The following EYS variants were observed in gnomAD, a reference collection of about 807,000 sequenced individuals.
The protein encoded by EYS is EGF-like photoreceptor maintenance factor, also known as protein eyes shut homolog.
In EYS, 250 loss-of-function variants were observed where a neutral mutation model predicts 282.1. The ratio of observed to expected loss-of-function variants is 0.89; its 90% CI spans 0.80 to 0.98. The LOEUF (loss-of-function observed/expected upper bound fraction) is 0.98, where lower values mean the gene tolerates loss of function less well. Ranked by LOEUF, EYS falls within the 50% of genes least tolerant of loss-of-function variation. The pLI is 0.00. For missense variants in EYS, 4,016 were observed against 3,709.0 expected (o/e 1.08, Z -2.15); for synonymous variants, 1,355 against 1,282.9 (o/e 1.06, Z -1.20).
rs372037478 is a variant in EYS at position 64,233,302 on chromosome 6, A to G, written c.6192-2478T>C. 1.2e-4 allele frequency among the ~76,000 whole-genome samples: 19 copies of G among 152,346 alleles called. No homozygotes were observed. In the East Asian group the frequency reaches 3.3e-3, roughly 26 times the overall value. On this transcript the variant is annotated intron_variant, in intron 30 of 42. Coordinates refer to ENST00000503581, the MANE Select transcript of EYS (RefSeq NM_001142800.2). ...AAAGATCAAATTTCATATCTGATAT[A>G]TGATAATTAATAGTCTTTGGCTTTC...
Position 63,789,241 on chromosome 6 carries a change from C to G in EYS, c.7412-17G>C. 6.5e-7 allele frequency: 1 copy of G among 1,547,120 alleles called. No individual in the cohort carries two copies. The highest frequency in any genetic ancestry group is 1.2e-5 in the South Asian group (1 of 83,632). On this transcript the variant is annotated splice_polypyrimidine_tract_variant and intron_variant, in intron 37 of 42. Transcript: ENST00000503581. Reference sequence around the variant, plus strand: ...CATTCAACCCTGGAATGAGAAGACACATGGGGAATGCTCACTGAGAGGAAA... The same window carrying G: ...CATTCAACCCTGGAATGAGAAGACAGATGGGGAATGCTCACTGAGAGGAAA...
intron 35 of EYS, among the ~76,000 whole-genome samples, chr6:63,879,062 T>C: frequency 6.6e-6 from 1 of 152,216 alleles, no homozygotes; most frequent in Admixed American, 6.5e-5. Context: ...AGCTGTAGAC[T>C]GGAGCTGTTC....
intron 22 of EYS, among the ~76,000 whole-genome samples, chr6:64,683,163 C>T (rs1368819015): frequency 1.3e-5 from 2 of 152,156 alleles, no homozygotes; most frequent in Non-Finnish European, 2.9e-5. Context: ...AATCAACATT[C>T]TTTATAAAAA....
intron 31 of EYS, among the ~76,000 whole-genome samples, chr6:64,211,176 G>A (rs1169111493): frequency 3.3e-5 from 5 of 152,060 alleles, no homozygotes; most frequent in Middle Eastern, 3.4e-3. Flanking sequence ...CTATCTATCC[G>A]TCTATCTTCC....
chr6:64,432,794 T>C (rs1056305095), intron 28 of EYS, among the ~76,000 whole-genome samples: 1 of 152,046 alleles, frequency 6.6e-6, no homozygotes, highest in Non-Finnish European at 1.5e-5. Flanking sequence ...CTCACCCATT[T>C]GCATTTTGCT....
At chr6:64,432,933 G>A (rs372681511) in intron 28 of EYS, among the ~76,000 whole-genome samples, 2 of 151,950 alleles carry the variant, frequency 1.3e-5, no homozygotes, top group Non-Finnish European at 2.9e-5. Flanking sequence ...TTTAGTATGT[G>A]TGCTTTTAGT....
At chr6:64,840,099 T>A (rs12665720) in intron 19 of EYS, among the ~76,000 whole-genome samples, 19 of 152,028 alleles carry the variant, frequency 1.2e-4, no homozygotes, top group Non-Finnish European at 2.6e-4. Context: ...TGGAGTCAAA[T>A]AAACCTGATT....
intron 2 of EYS, among the ~76,000 whole-genome samples, chr6:65,585,866 A>T (rs1765025904): frequency 6.6e-6 from 1 of 152,160 alleles, no homozygotes; most frequent in African/African-American, 2.4e-5. Flanking sequence ...AAGGTTTAGT[A>T]ACTACTCAAT....
chr6:64,014,845 A>T (rs752024814), intron 33 of EYS, among the ~76,000 whole-genome samples: 15 of 150,264 alleles, frequency 1.0e-4, no homozygotes, highest in Non-Finnish European at 1.9e-4. Flanking sequence ...TCCTTTCTAT[A>T]CCCTTTGTCA....
chr6:64,719,631 G>A (rs567977501), intron 22 of EYS, among the ~76,000 whole-genome samples: 2 of 152,038 alleles, frequency 1.3e-5, no homozygotes, highest in Admixed American at 6.5e-5. Context: ...TTTATATGTC[G>A]CTAAACTTTG....
At chr6:63,984,356 G>A (rs1162807899) in intron 35 of EYS, 27 bp downstream of exon 35, 2 of 1,459,078 alleles carry the variant, frequency 1.4e-6, no homozygotes, top group East Asian at 2.5e-5. Flanking sequence ...TGTAACGTAG[G>A]TTGGGAATCA....
chr6:64,888,018 T>C (rs1767155188), intron 18 of EYS, among the ~76,000 whole-genome samples: 1 of 152,122 alleles, frequency 6.6e-6, no homozygotes, highest in Middle Eastern at 3.2e-3. Context: ...GGATCATGTA[T>C]GTTGTTACAA....
chr6:64,626,205 T>C lies in EYS; in HGVS notation c.3484A>G (p.Ile1162Val), dbSNP rs1161473895. Reference protein sequence around the residue: ...GFSGQFCEININECSSSPCLH... With the variant: ...GFSGQFCEINVNECSSSPCLH... ...CATGGTGATGAAGAGCATTCATTTA[T>C]ATTAATTTCACAAAATTGACCAGAA... is the stretch of plus-strand genomic sequence containing the variant. Residue 1162 changes from isoleucine to valine, a missense_variant, in exon 23 of 43, where the codon ATA (isoleucine) becomes GTA (valine). Transcript: ENST00000503581. The C allele has an allele frequency of 2.0e-6, 3 of 1,534,638 alleles. No individual in the cohort carries two copies. The highest frequency in any genetic ancestry group is 2.6e-6 in the Non-Finnish European group (3 of 1,142,526).
At chr6:64,652,773 AG>A (rs79801865) in intron 22 of EYS, among the ~76,000 whole-genome samples, 7,005 of 152,326 alleles carry the variant, frequency 0.046, 496 homozygotes, top group East Asian at 0.24. Context: ...GTAGCGATAA[AG>A]AACAGGTAAG....
rs973838645 is a variant in EYS at position 65,495,578 on chromosome 6, G to C, written c.-168C>G. 6.2e-6 allele frequency: 4 copies of C among 644,800 alleles called. No homozygotes were observed. The highest frequency in any genetic ancestry group is 8.2e-4 in the Middle Eastern group (2 of 2,426). The allele number at this position is 644,800 out of a possible 1,614,324, so 39.9% of individuals were successfully genotyped here. A position where few individuals can be genotyped will look rare whatever the true frequency, so the allele number is the denominator to read the frequency against. ...TTTGATGACAATGTGCTTTGATGGAGAAACAGGAATTCAAATGTTGTAAAT... is the reference window on the plus strand; with the variant it reads ...TTTGATGACAATGTGCTTTGATGGACAAACAGGAATTCAAATGTTGTAAAT... On this transcript the variant is annotated 5_prime_UTR_variant, in exon 4 of 43. Transcript: ENST00000503581.
intron 2 of EYS, among the ~76,000 whole-genome samples, chr6:65,574,913 A>G (rs13328254): frequency 0.14 from 21,631 of 152,150 alleles, 1,600 homozygotes; most frequent in South Asian, 0.19. Flanking sequence ...AATCATATTA[A>G]ATATATTTTT....
chr6:64,083,167 C>T (rs1305064031), intron 31 of EYS, among the ~76,000 whole-genome samples: 1 of 152,104 alleles, frequency 6.6e-6, no homozygotes, highest in African/African-American at 2.4e-5. Context: ...CCTTGGCCTC[C>T]CAAAGTGCTG....
intron 31 of EYS, among the ~76,000 whole-genome samples, chr6:64,096,892 T>G (rs933056010): frequency 3.9e-5 from 6 of 152,212 alleles, no homozygotes; most frequent in African/African-American, 1.4e-4. Flanking sequence ...TTTATCTACC[T>G]TTGGTGTTTG....
intron 13 of EYS, among the ~76,000 whole-genome samples, chr6:65,055,304 A>C (rs562974721): frequency 2.2e-4 from 33 of 152,224 alleles, no homozygotes; most frequent in African/African-American, 7.9e-4. Flanking sequence ...ATTTTGAATC[A>C]GAAATTATTT....
Sources: gnomAD v4.1 joint callset for allele counts (sites outside exome capture counted in the v4.1 genomes callset) on GRCh38, gnomAD v4.1.1 for gene constraint, MANE v1.5 for transcripts, NCBI Gene and HGNC (gene_info 2026-07-23, HGNC 2026-07-21) for gene names.